The following GNA12 variants were observed in gnomAD, a reference collection of about 807,000 sequenced individuals.
GNA12 encodes the protein G protein subunit alpha 12.
GNA12 carries 9 observed loss-of-function variants against 26.0 expected under a neutral mutation model. That is an observed-to-expected ratio of 0.35 (90% CI 0.21 to 0.60). The LOEUF is 0.60. Ranked by LOEUF, GNA12 falls within the 20% of genes least tolerant of loss-of-function variation. The probability of loss-of-function intolerance (pLI) is 0.78; values close to 1 mark genes in which losing one functional copy is unlikely to be tolerated. For synonymous variants in GNA12, 264 were observed against 219.6 expected (o/e 1.20, Z -1.79); for missense variants, 405 against 525.8 (o/e 0.77, Z 2.25).
chr7:2,734,614 C>T (rs1790066155), intron 2 of GNA12, among the ~76,000 whole-genome samples: 1 of 152,260 alleles, frequency 6.6e-6, no homozygotes, highest in Non-Finnish European at 1.5e-5. Context: ...ATCTCTTCCT[C>T]CTCTGTCCCA....
At chr7:2,834,617 C>T (rs1349966022) in intron 1 of GNA12, among the ~76,000 whole-genome samples, 2 of 152,200 alleles carry the variant, frequency 1.3e-5, no homozygotes, top group East Asian at 1.9e-4. Flanking sequence ...CAAAAAGTTT[C>T]TAAAATCAGC....
chr7:2,821,710 TCC>T (rs1466844323), intron 1 of GNA12, among the ~76,000 whole-genome samples: 4 of 152,184 alleles, frequency 2.6e-5, no homozygotes, highest in Non-Finnish European at 5.9e-5. Context: ...GTAAGCTCTT[TCC>T]CTTCCTGTGG....
intron 2 of GNA12, among the ~76,000 whole-genome samples, chr7:2,780,621 A>G (rs1454680167): frequency 2.6e-5 from 4 of 152,162 alleles, no homozygotes; most frequent in South Asian, 2.1e-4. Context: ...ATCACACTAT[A>G]TATGTGCTTA....
At chr7:2,838,274 T>G (rs1386514673) in intron 1 of GNA12, among the ~76,000 whole-genome samples, 2 of 136,038 alleles carry the variant, frequency 1.5e-5, no homozygotes, top group Admixed American at 7.8e-5. Context: ...TACAAAGCAT[T>G]ATACTTAAAA....
At chr7:2,843,262 C>G (rs1779053190) in intron 1 of GNA12, among the ~76,000 whole-genome samples, 1 of 152,196 alleles carries the variant, frequency 6.6e-6, no homozygotes, top group Non-Finnish European at 1.5e-5. Flanking sequence ...AGGGCACATC[C>G]AGGAGGGGGC....
intron 1 of GNA12, among the ~76,000 whole-genome samples, chr7:2,800,445 C>G (rs766062952): frequency 2.0e-5 from 3 of 152,208 alleles, no homozygotes; most frequent in Non-Finnish European, 4.4e-5. Context: ...CAACCACACA[C>G]AGTGTCCCAA....
At chr7:2,762,698 T>C in intron 2 of GNA12, 1 of 1,573,628 alleles carries the variant, frequency 6.4e-7, no homozygotes, top group South Asian at 1.2e-5. Context: ...GCTGCCCGGG[T>C]GGAGGAGCGC....
chr7:2,791,998 A>G (rs1792532809), intron 2 of GNA12, among the ~76,000 whole-genome samples: 1 of 152,204 alleles, frequency 6.6e-6, no homozygotes, highest in Non-Finnish European at 1.5e-5. Flanking sequence ...TGCATCACTG[A>G]CTACAACAGT....
At chr7:2,811,698 C>T (rs968648821) in intron 1 of GNA12, among the ~76,000 whole-genome samples, 1 of 152,238 alleles carries the variant, frequency 6.6e-6, no homozygotes, top group Non-Finnish European at 1.5e-5. Context: ...GCCGCCAATG[C>T]TGCCCAAGGG....
At chr7:2,733,301 C>A in intron 3 of GNA12, 150 bp downstream of exon 3, 1 of 674,404 alleles carries the variant, frequency 1.5e-6, no homozygotes, top group Non-Finnish European at 2.7e-6. Context: ...CAAGTGAGAG[C>A]GTGCCATTAC....
chr7:2,766,071 CTTT>C (rs1791794528), intron 2 of GNA12, among the ~76,000 whole-genome samples: 1 of 152,208 alleles, frequency 6.6e-6, no homozygotes, highest in Admixed American at 6.5e-5. Context: ...ATCTCCAAAA[CTTT>C]TTCATCTTGC....
chr7:2,786,030 G>A (rs1279125507), intron 2 of GNA12, among the ~76,000 whole-genome samples: 1 of 152,250 alleles, frequency 6.6e-6, no homozygotes, highest in East Asian at 1.9e-4. Flanking sequence ...TCGCACCACT[G>A]CACTCCAGCC....
chr7:2,820,188 C>T (rs994396237), intron 1 of GNA12, among the ~76,000 whole-genome samples: 8 of 152,094 alleles, frequency 5.3e-5, no homozygotes, highest in African/African-American at 9.7e-5. Context: ...GAGAAATCCA[C>T]GGTGTCGAAA....
intron 2 of GNA12, among the ~76,000 whole-genome samples, chr7:2,741,242 C>A (rs1326669539): frequency 2.0e-5 from 3 of 152,148 alleles, no homozygotes; most frequent in Admixed American, 2.0e-4. Flanking sequence ...GTGGTCTCAG[C>A]TACCTGGGAG....
intron 1 of GNA12, among the ~76,000 whole-genome samples, chr7:2,822,311 T>C (rs1793387515): frequency 1.3e-5 from 2 of 152,218 alleles, no homozygotes; most frequent in African/African-American, 2.4e-5. Flanking sequence ...TTCAGAGATC[T>C]ACCTACTGGA....
rs1268642673 is a variant in GNA12 at position 2,783,480 on chromosome 7, T to C, written c.525+11448A>G. Among the ~76,000 whole-genome samples the C allele has an allele frequency of 2.6e-5, 4 of 152,022 alleles. No homozygotes were observed. The East Asian group carries it at 5.8e-4, about 22-fold the overall frequency. Reference sequence around the variant, plus strand: ...CTCACCCTCTGAGGTCCCCATTCATTACACGGCAGTCTCCTATCAGATCCC... The same window carrying C: ...CTCACCCTCTGAGGTCCCCATTCATCACACGGCAGTCTCCTATCAGATCCC... On this transcript the variant is annotated intron_variant, in intron 2 of 3. Transcript: ENST00000275364.
chr7:2,842,265 C>T (rs1182417737), intron 1 of GNA12, among the ~76,000 whole-genome samples: 1 of 152,184 alleles, frequency 6.6e-6, no homozygotes, highest in Non-Finnish European at 1.5e-5. Context: ...CCCTTTAACA[C>T]AGGCTCACGG....
intron 2 of GNA12, among the ~76,000 whole-genome samples, chr7:2,790,801 G>T (rs1354371449): frequency 6.6e-6 from 1 of 152,126 alleles, no homozygotes; most frequent in African/African-American, 2.4e-5. Flanking sequence ...AGACCTCAAT[G>T]CTATGAAAAA....
At chr7:2,842,020 GA>G (rs1562453976) in intron 1 of GNA12, among the ~76,000 whole-genome samples, 3 of 113,492 alleles carry the variant, frequency 2.6e-5, no homozygotes. Flanking sequence ...AGGGAGAAAG[GA>G]AGGGAGGAAG....
Sources: allele counts gnomAD v4.1 joint callset (sites outside exome capture counted in the v4.1 genomes callset), GRCh38; gene constraint gnomAD v4.1.1; transcripts MANE v1.5; gene names NCBI Gene and HGNC (gene_info 2026-07-23, HGNC 2026-07-21).